FAM13C: variants seen among roughly 807,000 people sequenced by gnomAD.
The protein encoded by FAM13C is family with sequence similarity 13 member C, also known as protein FAM13C.
A neutral mutation model predicts 73.2 loss-of-function variants in FAM13C; 37 were observed. The observed-to-expected ratio is 0.51, with a 90% confidence interval of 0.39 to 0.67. The LOEUF is 0.67. Ranked by LOEUF, FAM13C falls within the 30% of genes least tolerant of loss-of-function variation. The probability of loss-of-function intolerance (pLI) is 0.00; values close to 1 mark genes in which losing one functional copy is unlikely to be tolerated. For missense variants in FAM13C, 589 were observed against 715.6 expected (o/e 0.82, Z 2.02); for synonymous variants, 246 against 260.9 (o/e 0.94, Z 0.55).
chr10:59,252,759 G>A, intron 12 of FAM13C, 40 bp downstream of exon 12: 1 of 1,590,732 alleles, frequency 6.3e-7, no homozygotes, highest in Non-Finnish European at 8.6e-7. Flanking sequence ...CAGACCAGAA[G>A]GAGTTAAGAG....
At chr10:59,282,977 C>T (rs1845107997) in intron 6 of FAM13C, 1 of 224,162 alleles carries the variant, frequency 4.5e-6, no homozygotes, top group Admixed American at 4.9e-5. Context: ...ACTTCCCCAT[C>T]CTCAACACAT....
chr10:59,306,158 G>A (rs946934792), intron 4 of FAM13C, among the ~76,000 whole-genome samples: 1 of 152,164 alleles, frequency 6.6e-6, no homozygotes, highest in Non-Finnish European at 1.5e-5. Context: ...TTTGGTGCAA[G>A]CTCCCTGTTG....
rs1355445429 is a variant in FAM13C at position 59,269,997 on chromosome 10, T to C, written c.705A>G (p.Pro235=). The C allele has an allele frequency of 6.2e-7, 1 of 1,613,974 alleles. No individual in the cohort carries two copies. The change falls in exon 7 of 14, where the codon CCA becomes CCG. Residue 235 remains proline (P), a synonymous_variant. Coordinates refer to ENST00000618804, the MANE Select transcript of FAM13C (RefSeq NM_198215.4). ...AGATGGAGCATCGTGGCGACAGCAGTGGGTTATCACCATCAGTGATGTGAT... is the reference window on the plus strand; with the variant it reads ...AGATGGAGCATCGTGGCGACAGCAGCGGGTTATCACCATCAGTGATGTGAT... The part of the protein sequence containing the change: ...LLYHITDGDN[P]LLSPRCSIFS...
intron 11 of FAM13C, among the ~76,000 whole-genome samples, 189 bp from the exon 12 acceptor site, chr10:59,253,187 T>C (rs1251783653): frequency 3.9e-5 from 6 of 152,126 alleles, no homozygotes; most frequent in Admixed American, 3.9e-4. Context: ...CCTACAGAAG[T>C]TAATGAGCAA....
intron 5 of FAM13C, chr10:59,296,896 A>C (rs147131026): frequency 6.6e-6 from 1 of 152,246 alleles, no homozygotes; most frequent in Non-Finnish European, 1.5e-5. Context: ...CAGAGGCAGA[A>C]CATACCTTTA....
In FAM13C at chr10:59,344,231, G is replaced by C. The variant is rs1589694574; in HGVS notation, c.324+8039C>G. On this transcript the variant is annotated intron_variant, in intron 3 of 13. Coordinates refer to ENST00000618804, the MANE Select transcript of FAM13C (RefSeq NM_198215.4). ...CCCACCTTGGCCTCCGAAAGTGCTGGGATTACAGGCATGAGCCGCCGCGCC... is the reference window on the plus strand; with the variant it reads ...CCCACCTTGGCCTCCGAAAGTGCTGCGATTACAGGCATGAGCCGCCGCGCC... Among the ~76,000 whole-genome samples, 3 of 150,702 alleles carry C rather than the reference G, an allele frequency of 2.0e-5. No individual in the cohort carries two copies. The East Asian group carries it at 5.9e-4, about 30-fold the overall frequency.
At position 59,246,147 on chromosome 10, in the gene FAM13C, A is replaced by G. The variant is rs1840686721; in HGVS notation, c.*1467T>C. 6.6e-6 allele frequency: 1 copy of G among 152,666 alleles called. No individual in the cohort carries two copies. Among genetic ancestry groups the G allele is most frequent in the South Asian group, 2.1e-4 (1 of 4,838 alleles). 9.5% of individuals were successfully genotyped at this position (152,666 alleles called of 1,614,324 possible). A position where few individuals can be genotyped will look rare whatever the true frequency, so the allele number is the denominator to read the frequency against. ...AACATAATAAATATAATAGAAAAAT[A>G]TTTTATTTGTATTGTTGTATAAAAT... On this transcript the variant is annotated 3_prime_UTR_variant, in exon 14 of 14. Transcript: ENST00000618804.
intron 7 of FAM13C, among the ~76,000 whole-genome samples, chr10:59,269,667 G>A (rs1461134227): frequency 1.3e-5 from 2 of 152,186 alleles, no homozygotes; most frequent in African/African-American, 4.8e-5. Flanking sequence ...GTTCAAACAT[G>A]TGAGCCGCTG....
At chr10:59,322,478 A>G (rs1181790596) in intron 4 of FAM13C, among the ~76,000 whole-genome samples, 3 of 152,212 alleles carry the variant, frequency 2.0e-5, no homozygotes, top group African/African-American at 7.2e-5. Flanking sequence ...TTAGGATCCT[A>G]TGAAGGTTTG....
chr10:59,263,118 A>C (rs1842682898), intron 9 of FAM13C, among the ~76,000 whole-genome samples: 1 of 152,168 alleles, frequency 6.6e-6, no homozygotes, highest in Non-Finnish European at 1.5e-5. Flanking sequence ...GGTAGATGGG[A>C]GTGTCAGCCT....
At chr10:59,321,375 G>A (rs1402283191) in intron 4 of FAM13C, among the ~76,000 whole-genome samples, 1 of 149,728 alleles carries the variant, frequency 6.7e-6, no homozygotes, top group Non-Finnish European at 1.5e-5. Context: ...GAAAAGGTAT[G>A]GAAATGGATA....
At chr10:59,262,929 A>C (rs1278281424) in intron 9 of FAM13C, among the ~76,000 whole-genome samples, 1 of 152,040 alleles carries the variant, frequency 6.6e-6, no homozygotes, top group Non-Finnish European at 1.5e-5. Flanking sequence ...TTGCAGGAAA[A>C]CCAGTGGTGC....
rs147832265 is a variant in FAM13C at position 59,252,971 on chromosome 10, G to A, written c.1360C>T (p.Arg454Cys). Residue 454 changes from arginine to cysteine, a missense_variant, in exon 12 of 14, where the codon CGT becomes TGT. By Grantham distance (180) the Arg-to-Cys change is radical. Coordinates refer to ENST00000618804, the MANE Select transcript of FAM13C (RefSeq NM_198215.4). ...GAAGGTTGTTGGCTTCCCTGTGGAC[G>A]GTCTTCATCAGAGTCCTCTTCCTCC... ...IQEEEDSDED[R>C]PQGSQQPSLA... 3.3e-5 allele frequency: 53 copies of A among 1,613,646 alleles called. No individual in the cohort carries two copies. Among genetic ancestry groups the A allele is most frequent in the Admixed American group, 5.0e-5 (3 of 59,986 alleles).
chr10:59,275,894 C>T lies in FAM13C; in HGVS notation c.593-5785G>A, dbSNP rs999861968. On this transcript the variant is annotated intron_variant, in intron 6 of 13. Coordinates refer to ENST00000618804, the MANE Select transcript of FAM13C (RefSeq NM_198215.4). ...AGTTTGGGCTGTAGGACTGATATTT[C>T]CTTCCTATAAAGCAGTTGGAGAAGT... Among the ~76,000 whole-genome samples the T allele has an allele frequency of 6.6e-5, 10 of 152,244 alleles. 1 individual carries two copies. The highest frequency in any genetic ancestry group is 6.8e-3 in the Middle Eastern group (2 of 294).
intron 8 of FAM13C, among the ~76,000 whole-genome samples, chr10:59,266,880 A>G (rs921438915): frequency 6.6e-6 from 1 of 152,238 alleles, no homozygotes; most frequent in Non-Finnish European, 1.5e-5. Context: ...GGAGTAGCCT[A>G]TTTAAATATA....
Position 59,246,351 on chromosome 10 carries a change from A to G in FAM13C, c.*1263T>C, listed in dbSNP as rs779936654. The stretch of plus-strand genomic sequence containing the variant: ...ATGAAGGACATTATTCTGATTCATA[A>G]AAGTTATAAAATATTAGGTAAATAC... On this transcript the variant is annotated 3_prime_UTR_variant, in exon 14 of 14. Coordinates refer to ENST00000618804, the MANE Select transcript of FAM13C (RefSeq NM_198215.4). 19 of 239,358 alleles carry G rather than the reference A, an allele frequency of 7.9e-5. No individual in the cohort carries two copies. Among genetic ancestry groups the G allele is most frequent in the Non-Finnish European group, 1.0e-4 (13 of 125,644 alleles). The allele number at this position is 239,358 out of a possible 1,614,324, so 14.8% of individuals were successfully genotyped here.
intron 6 of FAM13C, among the ~76,000 whole-genome samples, chr10:59,273,998 G>C (rs1017078459): frequency 6.6e-6 from 1 of 152,138 alleles, no homozygotes; most frequent in African/African-American, 2.4e-5. Flanking sequence ...TGCCCATCAT[G>C]GTGGGCTCAT....
chr10:59,337,038 C>T (rs1852809309), intron 3 of FAM13C, among the ~76,000 whole-genome samples: 1 of 152,206 alleles, frequency 6.6e-6, no homozygotes, highest in South Asian at 2.1e-4. Flanking sequence ...CTGGAATTTT[C>T]TCTACTTAAA....
chr10:59,315,997 T>C (rs284628), intron 4 of FAM13C, among the ~76,000 whole-genome samples: 33,733 of 152,036 alleles, frequency 0.22, 3,844 homozygotes, highest in Non-Finnish European at 0.24. Flanking sequence ...TGGCATGATC[T>C]CAGCTCACTG....
Sources: allele counts gnomAD v4.1 joint callset (sites outside exome capture counted in the v4.1 genomes callset), GRCh38; gene constraint gnomAD v4.1.1; transcripts MANE v1.5; gene names NCBI Gene and HGNC (gene_info 2026-07-23, HGNC 2026-07-21).